The following ZNF385D variants were observed in gnomAD, a reference collection of about 807,000 sequenced individuals.
ZNF385D encodes the protein zinc finger protein 385D.
Under a neutral mutation model 35.8 loss-of-function variants are expected in ZNF385D, and 15 were observed. That is an observed-to-expected ratio of 0.42 (90% CI 0.28 to 0.64). The LOEUF (loss-of-function observed/expected upper bound fraction) is 0.64, where lower values mean the gene tolerates loss of function less well. Among genes scored for constraint, ZNF385D ranks in the 30% least tolerant of loss-of-function variants. The pLI, the probability that ZNF385D is intolerant of heterozygous loss-of-function variation, is 0.23. For missense variants in ZNF385D, 474 were observed against 494.6 expected, an observed-to-expected ratio of 0.96 and a Z score of 0.39; for synonymous variants, 212 against 186.8, an observed-to-expected ratio of 1.13 and a Z score of -1.10.
chr3:21,686,107 G>A (rs2067094482), intron 1 of ZNF385D, among the ~76,000 whole-genome samples: 1 of 152,038 alleles, frequency 6.6e-6, no homozygotes, highest in Admixed American at 6.5e-5. Context: ...ATTAATAATA[G>A]AGAAAAAAGA....
chr3:21,858,942 C>A lies in ZNF385D; in HGVS notation c.326-193914G>T, dbSNP rs1464574533. ...GTAAATGCCACATGGTTCCTGTTTCCCCTCACTGCTTTATCTCAAGATATA... is the reference window on the plus strand; with the variant it reads ...GTAAATGCCACATGGTTCCTGTTTCACCTCACTGCTTTATCTCAAGATATA... On this transcript the variant is annotated intron_variant, in intron 3 of 5. Coordinates refer to the ZNF385D transcript ENST00000494108. Among the ~76,000 whole-genome samples the A allele has an allele frequency of 3.3e-5, 5 of 151,952 alleles. No individual in the cohort carries two copies. In the East Asian group the frequency reaches 9.7e-4, roughly 29 times the overall value.
chr3:22,355,000 C>T (rs954780544), intron 2 of ZNF385D, among the ~76,000 whole-genome samples: 6 of 151,894 alleles, frequency 4.0e-5, no homozygotes, highest in Non-Finnish European at 7.4e-5. Flanking sequence ...TGTTTGTACC[C>T]TTTATTATAC....
At chr3:21,757,398 C>T (rs1428438607) in intron 3 of ZNF385D, among the ~76,000 whole-genome samples, 1 of 152,130 alleles carries the variant, frequency 6.6e-6, no homozygotes, top group African/African-American at 2.4e-5. Context: ...CCACCTTGGC[C>T]TCCCAAAGTG....
At chr3:21,716,985 T>G (rs934722751) in intron 1 of ZNF385D, among the ~76,000 whole-genome samples, 1 of 151,966 alleles carries the variant, frequency 6.6e-6, no homozygotes, top group Non-Finnish European at 1.5e-5. Flanking sequence ...AGCTGTGATG[T>G]GGTGTAGTGT....
At chr3:22,167,690 G>A (rs972411077) in intron 3 of ZNF385D, among the ~76,000 whole-genome samples, 5 of 152,164 alleles carry the variant, frequency 3.3e-5, no homozygotes, top group African/African-American at 7.2e-5. Flanking sequence ...CTGGCCAGGT[G>A]TTTCTGGCTG....
At chr3:22,177,490 C>T (rs1694914740) in intron 2 of ZNF385D, among the ~76,000 whole-genome samples, 1 of 152,124 alleles carries the variant, frequency 6.6e-6, no homozygotes, top group Non-Finnish European at 1.5e-5. Context: ...ACTCGTTTAG[C>T]CACTTAGGAT....
chr3:22,351,237 C>T (rs1695902549), intron 2 of ZNF385D, among the ~76,000 whole-genome samples: 1 of 152,056 alleles, frequency 6.6e-6, no homozygotes, highest in African/African-American at 2.4e-5. Flanking sequence ...TTTAGCCAAG[C>T]TAAATGAATA....
At chr3:21,960,729 T>C (rs1253638632) in intron 3 of ZNF385D, among the ~76,000 whole-genome samples, 2 of 151,984 alleles carry the variant, frequency 1.3e-5, no homozygotes, top group Admixed American at 6.6e-5. Flanking sequence ...ATATGATATA[T>C]ATATACACAA....
chr3:21,919,836 C>G (rs960681386), intron 3 of ZNF385D, among the ~76,000 whole-genome samples: 1 of 152,154 alleles, frequency 6.6e-6, no homozygotes, highest in Admixed American at 6.5e-5. Flanking sequence ...AAATGTAGAA[C>G]TGAATAACTT....
chr3:21,640,165 T>C (rs2065561415), intron 2 of ZNF385D, among the ~76,000 whole-genome samples: 1 of 152,060 alleles, frequency 6.6e-6, no homozygotes, highest in South Asian at 2.1e-4. Context: ...TGTGAGAGCT[T>C]CACAGATCTA....
intron 1 of ZNF385D, among the ~76,000 whole-genome samples, chr3:21,681,699 A>AG (rs1483517537): frequency 1.3e-4 from 2 of 15,556 alleles, no homozygotes; most frequent in East Asian, 2.0e-3. Context: ...AAAAAAAACG[A>AG]AAAAAAAAAA....
intron 3 of ZNF385D, among the ~76,000 whole-genome samples, chr3:22,017,258 C>T (rs1270559093): frequency 1.3e-5 from 2 of 151,986 alleles, no homozygotes; most frequent in Admixed American, 6.6e-5. Context: ...TGGTTAACAT[C>T]ACATACAGAC....
At chr3:21,916,021 C>A (rs1050880727) in intron 3 of ZNF385D, among the ~76,000 whole-genome samples, 3 of 152,088 alleles carry the variant, frequency 2.0e-5, no homozygotes, top group Non-Finnish European at 4.4e-5. Flanking sequence ...CAGGTATGCA[C>A]TAGGTTTTGT....
At chr3:21,641,639 T>TA (rs2125858813) in intron 2 of ZNF385D, among the ~76,000 whole-genome samples, 1 of 149,710 alleles carries the variant, frequency 6.7e-6, no homozygotes, top group South Asian at 2.1e-4. Context: ...CAGCTTTTTT[T>TA]TTTTTTTTTT....
At chr3:21,739,379 T>C (rs2125517005) in intron 1 of ZNF385D, among the ~76,000 whole-genome samples, 1 of 152,256 alleles carries the variant, frequency 6.6e-6, no homozygotes, top group East Asian at 1.9e-4. Flanking sequence ...GCCTTGACTG[T>C]GTGTGTTGTT....
At chr3:22,328,842 G>A (rs1381333698) in intron 2 of ZNF385D, among the ~76,000 whole-genome samples, 1 of 151,776 alleles carries the variant, frequency 6.6e-6, no homozygotes, top group Non-Finnish European at 1.5e-5. Flanking sequence ...TTGGGAAGCC[G>A]AGGCGGGCGG....
chr3:21,940,814 G>T (rs1442218257), intron 3 of ZNF385D, among the ~76,000 whole-genome samples: 1 of 152,104 alleles, frequency 6.6e-6, no homozygotes, highest in Non-Finnish European at 1.5e-5. Flanking sequence ...GTAAAAATAT[G>T]CTGCATAAAA....
chr3:22,043,112 G>A (rs1373067310), intron 3 of ZNF385D, among the ~76,000 whole-genome samples: 1 of 152,118 alleles, frequency 6.6e-6, no homozygotes, highest in Non-Finnish European at 1.5e-5. Flanking sequence ...TAAAGCTGCA[G>A]TCATTTGGTT....
intron 3 of ZNF385D, among the ~76,000 whole-genome samples, chr3:21,867,961 A>G (rs1157053368): frequency 2.6e-5 from 4 of 152,172 alleles, no homozygotes; most frequent in Non-Finnish European, 5.9e-5. Context: ...AGTGGCCACT[A>G]TATTGACCAG....
Sources: gnomAD v4.1 joint callset for allele counts (sites outside exome capture counted in the v4.1 genomes callset) on GRCh38, gnomAD v4.1.1 for gene constraint, MANE v1.5 for transcripts, NCBI Gene and HGNC (gene_info 2026-07-23, HGNC 2026-07-21) for gene names.